GCN1: variants seen among roughly 807,000 people sequenced by gnomAD.
GCN1 encodes GCN1 activator of EIF2AK4, also known as stalled ribosome sensor GCN1.
A neutral mutation model predicts 288.4 loss-of-function variants in GCN1; 90 were observed. The observed-to-expected ratio is 0.31, with a 90% confidence interval of 0.26 to 0.37. The LOEUF is 0.37. Ranked by LOEUF, GCN1 falls within the 10% of genes least tolerant of loss-of-function variation. GCN1 has a pLI of 1.00. For missense variants in GCN1, 2,586 were observed against 3,419.9 expected (o/e 0.76, Z 6.08); for synonymous variants, 1,386 against 1,420.2 (o/e 0.98, Z 0.54).
chr12:120,154,361 G>A (rs1470828454), intron 31 of GCN1, among the ~76,000 whole-genome samples: 2 of 152,230 alleles, frequency 1.3e-5, no homozygotes, highest in East Asian at 3.8e-4. Context: ...AAATAAGCCA[G>A]GATGGGCCCA....
rs996840889 is a variant in GCN1, at chr12:120,151,542, G to A, written c.4063-151C>T. Reference sequence around the variant, plus strand: ...GCGGATGTCACAGGGCACCAGAGAAGCAAACAGGTATACACAGTGTTGTAT... The same window carrying A: ...GCGGATGTCACAGGGCACCAGAGAAACAAACAGGTATACACAGTGTTGTAT... On this transcript the variant is annotated intron_variant, in intron 33 of 57. Transcript: ENST00000300648. 2.5e-5 allele frequency: 18 copies of A among 718,698 alleles called. No homozygotes were observed. The African/African-American group carries it at 3.0e-4, about 12-fold the overall frequency. 44.5% of individuals were successfully genotyped at this position (718,698 alleles called of 1,614,324 possible).
At chr12:120,167,352 CA>C (rs58505091) in intron 16 of GCN1, among the ~76,000 whole-genome samples, 1,105 of 73,038 alleles carry the variant, frequency 0.015, 8 homozygotes, top group African/African-American at 0.039. Flanking sequence ...AACTCCATCT[CA>C]AAAAAAAAAA....
intron 16 of GCN1, among the ~76,000 whole-genome samples, chr12:120,165,945 C>A (rs1432692419): frequency 6.6e-6 from 1 of 152,010 alleles, no homozygotes; most frequent in African/African-American, 2.4e-5. Flanking sequence ...GCACCTGCTA[C>A]CACGCCCAGC....
Position 120,142,122 on chromosome 12 carries a change from C to T in GCN1, c.5829+385G>A, listed in dbSNP as rs145692545. Reference sequence around the variant, plus strand: ...CGGGCGCATCACGAGGTCAGGAGATCGAGACCGTCCTGGCTAACGTGCTGA... The same window carrying T: ...CGGGCGCATCACGAGGTCAGGAGATTGAGACCGTCCTGGCTAACGTGCTGA... On this transcript the variant is annotated intron_variant, in intron 44 of 57. Coordinates refer to ENST00000300648, the MANE Select transcript of GCN1 (RefSeq NM_006836.2). The surrounding 1 kb of genome is among the most constrained non-coding windows in gnomAD (Gnocchi z 4.9). 1.3e-5 allele frequency among the ~76,000 whole-genome samples: 2 copies of T among 152,000 alleles called. No homozygotes were observed. The highest frequency in any genetic ancestry group is 2.4e-5 in the African/African-American group (1 of 41,356).
At chr12:120,132,535 T>A (rs1236669105) in intron 53 of GCN1, among the ~76,000 whole-genome samples, 1 of 152,074 alleles carries the variant, frequency 6.6e-6, no homozygotes. Flanking sequence ...CCCTACTGCA[T>A]GAGTGCCCCA....
In GCN1 at chr12:120,137,781, C is replaced by T. The variant is rs115993320; in HGVS notation, c.6427G>A (p.Val2143Ile). 16 of 1,613,988 alleles carry T rather than the reference C, an allele frequency of 9.9e-6. No homozygotes were observed. The Admixed American group carries it at 1.2e-4, about 12-fold the overall frequency. ...ATCCGGTGCCCTGTGTCATCCTCTA[C>T]GGAGAGGATCACAGCCTGACAATTG... is the stretch of plus-strand genomic sequence containing the variant. ...MANCQAVILS[V>I]EDDTGHRIII... Residue 2143 changes from valine to isoleucine, a missense_variant, in exon 49 of 58, where the codon GTA becomes ATA. Transcript: ENST00000300648. This position sits in a 1 kb window ranked among gnomAD's most constrained non-coding sequence, Gnocchi z 5.2.
chr12:120,161,785 G>A, intron 21 of GCN1, 95 bp downstream of exon 21: 1 of 1,218,102 alleles, frequency 8.2e-7, no homozygotes, highest in Non-Finnish European at 1.2e-6. Flanking sequence ...ATAGGCTGTT[G>A]CATTCAACTC....
chr12:120,144,829 G>C lies in GCN1; in HGVS notation c.5162C>G (p.Ala1721Gly), dbSNP rs1157364046. 1 of 1,614,018 alleles carries C rather than the reference G, an allele frequency of 6.2e-7. No individual in the cohort carries two copies. The highest frequency in any genetic ancestry group is 8.5e-7 in the Non-Finnish European group (1 of 1,180,002). The change falls in exon 41 of 58, where the codon GCT becomes GGT. Residue 1721 changes from alanine (A) to glycine (G), a missense_variant. By Grantham distance (60) the Ala-to-Gly change is moderately conservative. This residue lies in a region of GCN1 where 371 missense variants were observed against 572.6 expected (regional missense o/e 0.65). Coordinates refer to ENST00000300648, the MANE Select transcript of GCN1 (RefSeq NM_006836.2). This position sits in a 1 kb window ranked among gnomAD's most constrained non-coding sequence, Gnocchi z 4.7. ...VDRSGAAQGLAEVMAGLGVEK... is the reference protein window; with the variant it reads ...VDRSGAAQGLGEVMAGLGVEK... ...CACCCCCAAACCGGCCATGACCTCA[G>C]CCAACCCTGCAACAAAGGACAGAAT...
chr12:120,154,943 T>C (rs770291192), intron 31 of GCN1, 27 bp downstream of exon 31: 1 of 1,589,756 alleles, frequency 6.3e-7, no homozygotes, highest in South Asian at 1.1e-5. Flanking sequence ...AAGCTTGGAG[T>C]AGAACGAGGC....
At chr12:120,153,000 T>C (rs1297410200) in intron 33 of GCN1, among the ~76,000 whole-genome samples, 1 of 151,568 alleles carries the variant, frequency 6.6e-6, no homozygotes, top group Non-Finnish European at 1.5e-5. Context: ...ATCTGGGAGG[T>C]CTACTAGAAC....
intron 15 of GCN1, among the ~76,000 whole-genome samples, chr12:120,168,817 A>G (rs775582721): frequency 1.3e-5 from 2 of 151,834 alleles, no homozygotes; most frequent in Non-Finnish European, 2.9e-5. Context: ...CCTCGCGCCT[A>G]CTGTGAAGTA....
At position 120,176,194 on chromosome 12, in the gene GCN1, C is replaced by T. The variant is rs752564052; in HGVS notation, c.862G>A (p.Val288Met). The T allele has an allele frequency of 6.2e-7, 1 of 1,611,316 alleles. No homozygotes were observed. Among genetic ancestry groups the T allele is most frequent in the Non-Finnish European group, 8.5e-7 (1 of 1,177,372 alleles). The change falls in exon 10 of 58, where the codon GTG (valine) becomes ATG (methionine). Residue 288 changes from valine to methionine, a missense_variant. Val to Met is a conservative substitution (Grantham distance 21). This residue lies in a region of GCN1 where 913 missense variants were observed against 1,107.0 expected (regional missense o/e 0.82). Transcript: ENST00000300648. ...IETISSLLAS[V>M]TLDLSQYAMD... The stretch of plus-strand genomic sequence containing the variant: ...GCATACTGGCTGAGGTCAAGCGTCA[C>T]TGATGCCAGCAGACTAGAAATAGCT...
Position 120,153,757 on chromosome 12 carries a change from T to C in GCN1, c.3854A>G (p.Asn1285Ser). The C allele has an allele frequency of 6.2e-7, 1 of 1,613,990 alleles. No individual in the cohort carries two copies. The highest frequency in any genetic ancestry group is 2.2e-5 in the East Asian group (1 of 44,882). Residue 1285 changes from asparagine (N) to serine (S), a missense_variant, in exon 32 of 58, where the codon AAC (asparagine) becomes AGC (serine). By Grantham distance (46) the Asn-to-Ser change is conservative (BLOSUM62 1). Coordinates refer to ENST00000300648, the MANE Select transcript of GCN1 (RefSeq NM_006836.2). The surrounding 1 kb of genome is among the most constrained non-coding windows in gnomAD (Gnocchi z 4.4). The part of the protein sequence containing the change: ...CMLDAALATL[N>S]THGKENVNSL... The stretch of plus-strand genomic sequence containing the variant: ...GGACCCCCTTACCTTCCCATGAGTG[T>C]TGAGCGTTGCGAGGGCTGCATCCAA...
intron 42 of GCN1, among the ~76,000 whole-genome samples, chr12:120,143,977 G>C (rs563444817): frequency 6.6e-6 from 1 of 152,108 alleles, no homozygotes; most frequent in East Asian, 1.9e-4. Flanking sequence ...CAACCCTTTG[G>C]ATCTTTTTTT....
In GCN1 at chr12:120,156,742, C is replaced by G; in HGVS notation, c.3169-138G>C. The G allele has an allele frequency of 1.0e-6, 1 of 960,834 alleles. No individual in the cohort carries two copies. Among genetic ancestry groups the G allele is most frequent in the Non-Finnish European group, 1.6e-6 (1 of 623,774 alleles). 59.5% of individuals were successfully genotyped at this position (960,834 alleles called of 1,614,324 possible). A position where few individuals can be genotyped will look rare whatever the true frequency, so the allele number is the denominator to read the frequency against. On this transcript the variant is annotated intron_variant, in intron 27 of 57. Coordinates refer to ENST00000300648, the MANE Select transcript of GCN1 (RefSeq NM_006836.2). The surrounding 1 kb of genome is among the most constrained non-coding windows in gnomAD (Gnocchi z 5.8). ...CCCAGCTCCAGTGGCAGGACCCAAGCAAAACCCCTCACTAGCTAACAACAG... is the reference window on the plus strand; with the variant it reads ...CCCAGCTCCAGTGGCAGGACCCAAGGAAAACCCCTCACTAGCTAACAACAG...
At chr12:120,161,681 G>A in intron 21 of GCN1, 98 bp from the exon 22 acceptor site, 2 of 990,396 alleles carry the variant, frequency 2.0e-6, no homozygotes, top group Admixed American at 1.8e-5. Flanking sequence ...GTTAAGCACT[G>A]TGCACCAGCA....
intron 34 of GCN1, 22 bp from the exon 35 acceptor site, chr12:120,150,065 C>T (rs202153369): frequency 1.1e-5 from 18 of 1,612,640 alleles, no homozygotes; most frequent in Admixed American, 1.0e-4. Flanking sequence ...GAAGGTGGGA[C>T]GGCTGGGAAG....
At chr12:120,140,770 G>C in intron 45 of GCN1, 89 bp downstream of exon 45, 2 of 1,294,150 alleles carry the variant, frequency 1.5e-6, no homozygotes, top group South Asian at 2.7e-5. Flanking sequence ...AAACCCCCTA[G>C]AGGTGAACCT....
chr12:120,189,257 G>C (rs1485282857), intron 2 of GCN1, among the ~76,000 whole-genome samples: 1 of 151,818 alleles, frequency 6.6e-6, no homozygotes, highest in African/African-American at 2.4e-5. Flanking sequence ...GTTTTCAGTA[G>C]AGACAGGGTT....
Sources: allele counts gnomAD v4.1 joint callset (sites outside exome capture counted in the v4.1 genomes callset), GRCh38; gene constraint gnomAD v4.1.1; regional missense constraint gnomAD v4.1.1; non-coding constraint Gnocchi (gnomAD v3.1); transcripts MANE v1.5; gene names NCBI Gene and HGNC (gene_info 2026-07-23, HGNC 2026-07-21).